Variants in DLG2 observed in about 807,000 individuals in gnomAD.
DLG2 encodes discs large MAGUK scaffold protein 2.
In DLG2, 45 loss-of-function variants were observed where a neutral mutation model predicts 132.5. That is an observed-to-expected ratio of 0.34 (90% CI 0.27 to 0.44). DLG2 has a LOEUF of 0.44. Among genes scored for constraint, DLG2 ranks in the 20% least tolerant of loss-of-function variants. The pLI, the probability that DLG2 is intolerant of heterozygous loss-of-function variation, is 1.00. For synonymous variants in DLG2, 424 were observed against 419.6 expected, an observed-to-expected ratio of 1.01 and a Z score of -0.13; for missense variants, 1,045 against 1,196.9, an observed-to-expected ratio of 0.87 and a Z score of 1.87.
At chr11:83,488,267 C>G (rs991960684) in intron 21 of DLG2, among the ~76,000 whole-genome samples, 164 of 151,996 alleles carry the variant, frequency 1.1e-3, no homozygotes, top group African/African-American at 3.9e-3. Flanking sequence ...TTTTGTTTAT[C>G]TGATTTTGTT....
chr11:85,116,972 C>T (rs1308375423), intron 5 of DLG2, among the ~76,000 whole-genome samples: 2 of 151,846 alleles, frequency 1.3e-5, no homozygotes, highest in Non-Finnish European at 2.9e-5. Flanking sequence ...ACATAACTTC[C>T]TTGGGTTTAG....
At chr11:84,889,040 A>G (rs2088846024) in intron 6 of DLG2, among the ~76,000 whole-genome samples, 1 of 152,190 alleles carries the variant, frequency 6.6e-6, no homozygotes, top group Admixed American at 6.6e-5. Context: ...TATCCTTGGC[A>G]TAAGGCCTCA....
chr11:84,815,845 T>C (rs779433638), intron 6 of DLG2, among the ~76,000 whole-genome samples: 1 of 152,002 alleles, frequency 6.6e-6, no homozygotes, highest in Non-Finnish European at 1.5e-5. Context: ...TGCCACCTCA[T>C]AGTGGGGTCT....
chr11:83,732,917 G>A (rs144299066), intron 18 of DLG2, among the ~76,000 whole-genome samples: 44 of 152,196 alleles, frequency 2.9e-4, no homozygotes, highest in African/African-American at 1.0e-3. Flanking sequence ...ACCACTTTCT[G>A]CACAGTAGTG....
At chr11:85,009,180 C>T (rs2058943807) in intron 6 of DLG2, among the ~76,000 whole-genome samples, 1 of 151,992 alleles carries the variant, frequency 6.6e-6, no homozygotes, top group Non-Finnish European at 1.5e-5. Context: ...AACCTTTTGC[C>T]TTAAGAATGC....
intron 3 of DLG2, among the ~76,000 whole-genome samples, chr11:85,463,989 T>TACAC (rs374003945): frequency 7.2e-5 from 10 of 139,412 alleles, no homozygotes; most frequent in Admixed American, 5.0e-4. Flanking sequence ...GACATACATG[T>TACAC]ACACACACAC....
At chr11:83,581,289 G>A (rs1174007701) in intron 19 of DLG2, among the ~76,000 whole-genome samples, 2 of 152,078 alleles carry the variant, frequency 1.3e-5, no homozygotes, top group African/African-American at 4.8e-5. Context: ...ACATAAACCA[G>A]TGTATTGAGA....
intron 11 of DLG2, among the ~76,000 whole-genome samples, chr11:84,024,552 A>G (rs1160556505): frequency 2.6e-5 from 4 of 152,178 alleles, no homozygotes; most frequent in East Asian, 1.9e-4. Context: ...TGGTTTATAT[A>G]AATAATGGAA....
chr11:85,127,446 T>C (rs775817710), intron 5 of DLG2, among the ~76,000 whole-genome samples: 5 of 152,112 alleles, frequency 3.3e-5, no homozygotes, highest in East Asian at 3.9e-4. Context: ...CCTGTATCCC[T>C]ATCCTCATTT....
intron 9 of DLG2, among the ~76,000 whole-genome samples, chr11:84,109,483 C>G (rs1302432457): frequency 6.6e-6 from 1 of 152,060 alleles, no homozygotes; most frequent in African/African-American, 2.4e-5. Context: ...GCAAGGAGAG[C>G]AATATGGGAT....
At chr11:84,157,262 G>A (rs530742878) in intron 9 of DLG2, among the ~76,000 whole-genome samples, 21 of 152,208 alleles carry the variant, frequency 1.4e-4, no homozygotes, top group Non-Finnish European at 2.1e-4. Context: ...ATATGCAAAT[G>A]TAAATATTAA....
intron 18 of DLG2, among the ~76,000 whole-genome samples, chr11:83,768,079 A>G (rs1186735014): frequency 6.6e-6 from 1 of 152,162 alleles, no homozygotes; most frequent in South Asian, 2.1e-4. Flanking sequence ...CACATTTAGG[A>G]CTAGCGAGAT....
At chr11:84,336,297 A>G (rs2098484318) in intron 7 of DLG2, among the ~76,000 whole-genome samples, 1 of 152,218 alleles carries the variant, frequency 6.6e-6, no homozygotes, top group South Asian at 2.1e-4. Context: ...ATGGATAACT[A>G]TTTAATTTCT....
At chr11:84,442,948 A>T (rs2099022014) in intron 7 of DLG2, among the ~76,000 whole-genome samples, 1 of 152,212 alleles carries the variant, frequency 6.6e-6, no homozygotes, top group African/African-American at 2.4e-5. Context: ...AATTGTCACT[A>T]TGAATTTATA....
chr11:84,402,881 C>CAAAAA lies in DLG2; in HGVS notation c.519+131684_519+131688dup, dbSNP rs34476380. On this transcript the variant is annotated intron_variant, in intron 7 of 27. Transcript: ENST00000376104. ...TGGGCGACAGAGCGAAACTCCGTCTCAAAAAAAAAAAAAAAAAAAATTAAC... is the reference window on the plus strand; with the variant it reads ...TGGGCGACAGAGCGAAACTCCGTCTCAAAAAAAAAAAAAAAAAAAAAAAAATTAAC... 9.5e-4 allele frequency among the ~76,000 whole-genome samples: 70 copies of CAAAAA among 73,876 alleles called. 8 individuals are homozygous for CAAAAA. The highest frequency in any genetic ancestry group is 3.7e-3 in the African/African-American group (35 of 9,548). 48.5% of individuals were successfully genotyped at this position (73,876 alleles called of 152,430 possible). A position where few individuals can be genotyped will look rare whatever the true frequency, so the allele number is the denominator to read the frequency against.
intron 3 of DLG2, among the ~76,000 whole-genome samples, chr11:85,401,517 G>A (rs1157552087): frequency 1.3e-5 from 2 of 152,018 alleles, no homozygotes; most frequent in Admixed American, 1.3e-4. Context: ...AGAAATAAAG[G>A]GTATTCAATT....
intron 15 of DLG2, among the ~76,000 whole-genome samples, chr11:83,881,610 C>A (rs938811656): frequency 1.3e-5 from 2 of 152,236 alleles, no homozygotes; most frequent in East Asian, 3.9e-4. Context: ...AATAGTTAGT[C>A]CACAAGTTGC....
intron 9 of DLG2, among the ~76,000 whole-genome samples, chr11:84,144,653 C>G (rs1266030305): frequency 1.3e-5 from 2 of 152,118 alleles, no homozygotes; most frequent in African/African-American, 4.8e-5. Context: ...CAAAGGTCCA[C>G]TATTGAAAGA....
intron 3 of DLG2, among the ~76,000 whole-genome samples, chr11:85,358,985 G>C (rs1222709256): frequency 1.3e-5 from 2 of 151,862 alleles, no homozygotes; most frequent in African/African-American, 4.8e-5. Flanking sequence ...ATTTATACTA[G>C]ATTTGCCATT....
Sources: allele counts gnomAD v4.1 joint callset (sites outside exome capture counted in the v4.1 genomes callset), GRCh38; gene constraint gnomAD v4.1.1; transcripts MANE v1.5; gene names NCBI Gene and HGNC (gene_info 2026-07-23, HGNC 2026-07-21).